PAQR3: variants seen among roughly 807,000 people sequenced by gnomAD.
PAQR3 encodes the protein progestin and adipoQ receptor family member 3.
A neutral mutation model predicts 41.7 loss-of-function variants in PAQR3; 39 were observed. That is an observed-to-expected ratio of 0.93 (90% CI 0.72 to 1.22). The LOEUF (loss-of-function observed/expected upper bound fraction) is 1.22, where lower values mean the gene tolerates loss of function less well. PAQR3 is among the 50% of genes most tolerant of loss of function. The pLI, the probability that PAQR3 is intolerant of heterozygous loss-of-function variation, is 0.00. For missense variants in PAQR3, 366 were observed against 385.6 expected (o/e 0.95, Z 0.42); for synonymous variants, 140 against 140.6 (o/e 1.00, Z 0.03).
At chr4:78,892,550 G>A (rs1733494956) in intron 11 of PAQR3, among the ~76,000 whole-genome samples, 1 of 151,988 alleles carries the variant, frequency 6.6e-6, no homozygotes, top group South Asian at 2.1e-4. Context: ...ATTGACATAT[G>A]CTAAAATTTT....
At chr4:78,923,195 TCTTAA>T (rs1735837850) in intron 5 of PAQR3, among the ~76,000 whole-genome samples, 1 of 151,926 alleles carries the variant, frequency 6.6e-6, no homozygotes, top group African/African-American at 2.4e-5. Flanking sequence ...ACATAAAGAC[TCTTAA>T]CTTTCACTAT....
rs551558618 is a variant in PAQR3, at chr4:78,916,112, T to C, written c.*4427A>G. On this transcript the variant is annotated 3_prime_UTR_variant, in exon 6 of 6. Coordinates refer to ENST00000512733, the MANE Select transcript of PAQR3 (RefSeq NM_001040202.2). Reference sequence around the variant, plus strand: ...CTAAAGTAACTTCAGTCCTCAAATATAGCTGGGAAACAATTATGAGATAGA... The same window carrying C: ...CTAAAGTAACTTCAGTCCTCAAATACAGCTGGGAAACAATTATGAGATAGA... 6 of 152,038 alleles carry C rather than the reference T, an allele frequency of 3.9e-5. No homozygotes were observed. The East Asian group carries it at 5.8e-4, about 15-fold the overall frequency. The allele number at this position is 152,038 out of a possible 1,614,324, so 9.4% of individuals were successfully genotyped here.
chr4:78,938,896 A>C (rs1176076963), intron 1 of PAQR3, 144 bp downstream of exon 1: 2 of 685,118 alleles, frequency 2.9e-6, no homozygotes, highest in Non-Finnish European at 4.9e-6. Context: ...ACGGGGGAGG[A>C]GAGGCGGCAA....
At position 78,916,645 on chromosome 4, in the gene PAQR3, CAGTA is replaced by C. The variant is rs1419609116; in HGVS notation, c.*3890_*3893del. Reference sequence around the variant, plus strand: ...ATAATTACTGATACTCGAGTGATGACAGTAAGGCAAAAACAATATTGTGTAGTGC... The same window carrying C: ...ATAATTACTGATACTCGAGTGATGACAGGCAAAAACAATATTGTGTAGTGC... On this transcript the variant is annotated 3_prime_UTR_variant, in exon 6 of 6. Coordinates refer to ENST00000512733, the MANE Select transcript of PAQR3 (RefSeq NM_001040202.2). The C allele has an allele frequency of 1.3e-5, 2 of 151,822 alleles. No individual in the cohort carries two copies. Among genetic ancestry groups the C allele is most frequent in the Non-Finnish European group, 2.9e-5 (2 of 67,830 alleles). 9.4% of individuals were successfully genotyped at this position (151,822 alleles called of 1,614,324 possible). A position where few individuals can be genotyped will look rare whatever the true frequency, so the allele number is the denominator to read the frequency against.
chr4:78,921,759 G>A (rs186183234), intron 5 of PAQR3: 28 of 984,208 alleles, frequency 2.8e-5, no homozygotes, highest in Non-Finnish European at 3.3e-5. Flanking sequence ...GGTCATACAT[G>A]AGGACTTGCC....
At chr4:78,905,031 G>GA in intron 11 of PAQR3, among the ~76,000 whole-genome samples, 1 of 151,866 alleles carries the variant, frequency 6.6e-6, no homozygotes, top group Non-Finnish European at 1.5e-5. Context: ...TGGAATATAT[G>GA]AATGTATTCC....
chr4:78,923,438 C>T (rs1441480759), intron 5 of PAQR3: 3 of 223,674 alleles, frequency 1.3e-5, no homozygotes. Flanking sequence ...CCCATTAACT[C>T]GTCATTTACA....
rs202213895 is a variant in PAQR3, at chr4:78,930,269, T to G, written c.405A>C (p.Lys135Asn). 6.2e-7 allele frequency: 1 copy of G among 1,613,878 alleles called. No homozygotes were observed. Among genetic ancestry groups the G allele is most frequent in the Non-Finnish European group, 8.5e-7 (1 of 1,179,900 alleles). The change falls in exon 3 of 6, where the codon AAA becomes AAC. Residue 135 changes from lysine to asparagine, a missense_variant. Physicochemically the swap from Lys to Asn is moderately conservative, Grantham distance 94. Coordinates refer to ENST00000512733, the MANE Select transcript of PAQR3 (RefSeq NM_001040202.2). ...CTAATGCCATCCATCTTCGACATGT[T>G]TTTTCTGACCGATGGCAGGAAAAAA... ...YHLFSCHRSE[K>N]TCRRWMALDY...
In PAQR3 at chr4:78,939,311, C is replaced by T. The variant is rs1737796016; in HGVS notation, c.-87G>A. 2.3e-6 allele frequency: 3 copies of T among 1,292,860 alleles called. No individual in the cohort carries two copies. Among genetic ancestry groups the T allele is most frequent in the East Asian group, 3.1e-5 (1 of 32,102 alleles). The allele number at this position is 1,292,860 out of a possible 1,614,324, so 80.1% of individuals were successfully genotyped here. A position where few individuals can be genotyped will look rare whatever the true frequency, so the allele number is the denominator to read the frequency against. On this transcript the variant is annotated 5_prime_UTR_variant, in exon 1 of 6. Coordinates refer to ENST00000512733, the MANE Select transcript of PAQR3 (RefSeq NM_001040202.2). The stretch of plus-strand genomic sequence containing the variant: ...GGGGGCTTCGCCGCTGGCGCCCCCG[C>T]CCCGGAGCCCGCGGACGCTGCGCGA...
intron 11 of PAQR3, among the ~76,000 whole-genome samples, chr4:78,900,148 G>C (rs11941655): frequency 0.027 from 4,133 of 152,220 alleles, 158 homozygotes; most frequent in African/African-American, 0.088. Context: ...AAGACGATGA[G>C]GATGAGGACC....
intron 3 of PAQR3, among the ~76,000 whole-genome samples, 160 bp from the exon 4 acceptor site, chr4:78,926,878 A>T (rs1347853986): frequency 1.3e-5 from 2 of 152,232 alleles, no homozygotes; most frequent in Non-Finnish European, 2.9e-5. Context: ...GTTCCATACA[A>T]CTTTTAGGTT....
chr4:78,892,104 T>G (rs893982952), intron 11 of PAQR3, among the ~76,000 whole-genome samples: 1 of 152,234 alleles, frequency 6.6e-6, no homozygotes, highest in Non-Finnish European at 1.5e-5. Context: ...TATGTTGGTC[T>G]CGTAAAATGA....
Position 78,918,359 on chromosome 4 carries a change from T to C in PAQR3, c.*2180A>G, listed in dbSNP as rs912493976. On this transcript the variant is annotated 3_prime_UTR_variant, in exon 6 of 6. Transcript: ENST00000512733. ...AATGTCTTCAAAATTTTACCAGTAGTGCTGTGCACACAGTAGGTGGTCATT... is the reference window on the plus strand; with the variant it reads ...AATGTCTTCAAAATTTTACCAGTAGCGCTGTGCACACAGTAGGTGGTCATT... 3.1e-6 allele frequency: 3 copies of C among 978,988 alleles called. No individual in the cohort carries two copies. In the African/African-American group the frequency reaches 5.3e-5, roughly 17 times the overall value. 60.6% of individuals were successfully genotyped at this position (978,988 alleles called of 1,614,324 possible). A position where few individuals can be genotyped will look rare whatever the true frequency, so the allele number is the denominator to read the frequency against.
intron 1 of PAQR3, among the ~76,000 whole-genome samples, chr4:78,937,160 C>A (rs1372301442): frequency 6.6e-6 from 1 of 152,218 alleles, no homozygotes; most frequent in African/African-American, 2.4e-5. Flanking sequence ...TGAGGAACAT[C>A]TGAGCCCCTG....
intron 11 of PAQR3, among the ~76,000 whole-genome samples, chr4:78,895,385 T>C (rs1733648726): frequency 6.6e-6 from 1 of 152,240 alleles, no homozygotes; most frequent in Admixed American, 6.5e-5. Flanking sequence ...TTTGATATGC[T>C]GAATTTGCCA....
Position 78,939,210 on chromosome 4 carries a change from C to T in PAQR3, c.15G>A (p.Leu5=). Residue 5 remains leucine (L), a synonymous_variant, in exon 1 of 6, where the codon CTG becomes CTA. Coordinates refer to ENST00000512733, the MANE Select transcript of PAQR3 (RefSeq NM_001040202.2). ...GCTCGATGTAATGCGCGCTCTTCAGCAGCTTCTGATGCATCGTTCCCGGCC... is the reference window on the plus strand; with the variant it reads ...GCTCGATGTAATGCGCGCTCTTCAGTAGCTTCTGATGCATCGTTCCCGGCC... MHQK[L]LKSAHYIELG... is the part of the protein sequence containing the mutation. The T allele has an allele frequency of 1.9e-6, 3 of 1,601,858 alleles. No homozygotes were observed. Among genetic ancestry groups the T allele is most frequent in the African/African-American group, 1.4e-5 (1 of 73,772 alleles).
intron 5 of PAQR3, chr4:78,922,140 C>T: frequency 9.7e-7 from 1 of 1,026,534 alleles, no homozygotes; most frequent in East Asian, 8.1e-5. Flanking sequence ...ATATATTTTA[C>T]CAGAATTGTT....
Position 78,917,836 on chromosome 4 carries a change from T to G in PAQR3, c.*2703A>C, listed in dbSNP as rs919298306. On this transcript the variant is annotated 3_prime_UTR_variant, in exon 6 of 6. Transcript: ENST00000512733. ...AATCGGATATTCTGTCCAGGTGGGA[T>G]GCCATAAGATGTGACAGACATTCCC... The G allele has an allele frequency of 8.1e-6, 8 of 985,442 alleles. No homozygotes were observed. In the African/African-American group the frequency reaches 1.4e-4, roughly 17 times the overall value. The allele number at this position is 985,442 out of a possible 1,614,324, so 61.0% of individuals were successfully genotyped here. A position where few individuals can be genotyped will look rare whatever the true frequency, so the allele number is the denominator to read the frequency against.
intron 2 of PAQR3, among the ~76,000 whole-genome samples, chr4:78,934,266 GTAAAATGATGACTCTCTGAAA>G (rs1459543945): frequency 6.6e-6 from 1 of 152,144 alleles, no homozygotes; most frequent in Non-Finnish European, 1.5e-5. Context: ...TTAAACTTGA[GTAAAATGATGACTCTCTGAAA>G]TAAAATGATA....
Sources: gnomAD v4.1 joint callset for allele counts (sites outside exome capture counted in the v4.1 genomes callset) on GRCh38, gnomAD v4.1.1 for gene constraint, MANE v1.5 for transcripts, NCBI Gene and HGNC (gene_info 2026-07-23, HGNC 2026-07-21) for gene names.